The following DIS3L2 variants were observed in gnomAD, a reference collection of about 807,000 sequenced individuals.
DIS3L2 encodes DIS3-like exonuclease 2.
DIS3L2 carries 34 observed loss-of-function variants against 97.5 expected under a neutral mutation model. The ratio of observed to expected loss-of-function variants is 0.35; its 90% CI spans 0.27 to 0.46. The LOEUF (loss-of-function observed/expected upper bound fraction) is 0.46. Ranked by LOEUF, DIS3L2 falls within the 20% of genes least tolerant of loss-of-function variation. DIS3L2 has a pLI of 1.00. For synonymous variants in DIS3L2, 435 were observed against 445.2 expected, an observed-to-expected ratio of 0.98 and a Z score of 0.29; for missense variants, 1,038 against 1,146.0, an observed-to-expected ratio of 0.91 and a Z score of 1.36.
chr2:232,162,669 TC>T (rs1324900682), intron 8 of DIS3L2, among the ~76,000 whole-genome samples: 2 of 152,178 alleles, frequency 1.3e-5, no homozygotes, highest in African/African-American at 4.8e-5. Context: ...CCATTTTTGG[TC>T]TCCGCAATAC....
intron 10 of DIS3L2, among the ~76,000 whole-genome samples, chr2:232,221,846 G>C (rs1391814943): frequency 2.0e-5 from 3 of 152,086 alleles, no homozygotes; most frequent in African/African-American, 7.2e-5. Context: ...TTTTCTGCTT[G>C]GATACATTTC....
intron 5 of DIS3L2, among the ~76,000 whole-genome samples, chr2:232,059,549 G>A (rs1389625766): frequency 1.3e-5 from 2 of 152,142 alleles, no homozygotes; most frequent in Non-Finnish European, 2.9e-5. Flanking sequence ...ACTATATTGT[G>A]TGATGCTGAG....
intron 14 of DIS3L2, among the ~76,000 whole-genome samples, chr2:232,313,564 G>A (rs988301438): frequency 6.6e-6 from 1 of 152,176 alleles, no homozygotes; most frequent in Admixed American, 6.5e-5. Context: ...CCACGAGGTC[G>A]TAAAAATACC....
exon 14 of DIS3L2, chr2:232,343,440 G>A: frequency 6.4e-7 from 1 of 1,556,162 alleles, no homozygotes; most frequent in Admixed American, 1.9e-5. Flanking sequence ...AGGAACGCCT[G>A]CCTGAGACTC....
exon 14 of DIS3L2, chr2:232,343,393 C>A (rs1441226482): frequency 3.9e-6 from 6 of 1,556,606 alleles, no homozygotes; most frequent in Middle Eastern, 3.3e-4. Context: ...CTCTCACAGC[C>A]CCTCTGCTGA....
intron 5 of DIS3L2, among the ~76,000 whole-genome samples, chr2:232,057,597 C>T (rs903223726): frequency 1.3e-5 from 2 of 151,978 alleles, no homozygotes; most frequent in African/African-American, 2.4e-5. Flanking sequence ...CAAATTTTGC[C>T]GACAGCCACC....
chr2:231,975,935 CT>C (rs112624496), intron 1 of DIS3L2, among the ~76,000 whole-genome samples: 2,773 of 152,016 alleles, frequency 0.018, 30 homozygotes, highest in Non-Finnish European at 0.021. Context: ...CCTCCTTCTT[CT>C]TCTCTCTCTC....
chr2:232,019,924 G>A (rs547725071), intron 3 of DIS3L2, among the ~76,000 whole-genome samples: 1 of 152,120 alleles, frequency 6.6e-6, no homozygotes, highest in South Asian at 2.1e-4. Context: ...AGCCTCTTTA[G>A]TAGGGTCGTT....
At chr2:232,186,010 TAA>T (rs766661164) in intron 9 of DIS3L2, among the ~76,000 whole-genome samples, 1 of 152,172 alleles carries the variant, frequency 6.6e-6, no homozygotes, top group Non-Finnish European at 1.5e-5. Flanking sequence ...ACTTAATTTT[TAA>T]AAGAGACAGG....
chr2:232,309,241 C>A (rs1695061795), intron 14 of DIS3L2, among the ~76,000 whole-genome samples: 1 of 152,204 alleles, frequency 6.6e-6, no homozygotes, highest in South Asian at 2.1e-4. Flanking sequence ...GTGAGTGAGC[C>A]ACTCCCCAGA....
Position 232,024,331 on chromosome 2 carries a change from G to T in DIS3L2, c.264+1G>T. 2.5e-6 allele frequency: 4 copies of T among 1,596,224 alleles called. No individual in the cohort carries two copies. Among genetic ancestry groups the T allele is most frequent in the Non-Finnish European group, 2.6e-6 (3 of 1,170,556 alleles). ...TCATGAAGCCTTCATTCCTTCCCCG[G>T]TAAGTTCAATAAATTTATAATAAAC... is the stretch of plus-strand genomic sequence containing the variant. On this transcript the variant is annotated splice_donor_variant, in intron 4 of 20. Transcript: ENST00000325385. LOFTEE classifies it high-confidence loss of function.
chr2:232,024,207 A>T, intron 3 of DIS3L2, 70 bp from the exon 4 acceptor site: 1 of 1,156,774 alleles, frequency 8.6e-7, no homozygotes, highest in Non-Finnish European at 1.2e-6. Flanking sequence ...TTTTTATTGG[A>T]GAATAACATA....
chr2:232,190,107 T>A (rs759501710), intron 9 of DIS3L2, among the ~76,000 whole-genome samples: 58 of 152,118 alleles, frequency 3.8e-4, no homozygotes, highest in Non-Finnish European at 6.3e-4. Flanking sequence ...ACAGGAAGAT[T>A]GCTTGAATGC....
chr2:232,227,298 T>C (rs1692675994), intron 10 of DIS3L2, among the ~76,000 whole-genome samples: 1 of 152,194 alleles, frequency 6.6e-6, no homozygotes, highest in Non-Finnish European at 1.5e-5. Flanking sequence ...AAGAACCCGA[T>C]GCTGAGGGGC....
At chr2:232,315,736 G>A (rs1695254010) in intron 14 of DIS3L2, among the ~76,000 whole-genome samples, 1 of 152,218 alleles carries the variant, frequency 6.6e-6, no homozygotes, top group South Asian at 2.1e-4. Flanking sequence ...GAACACAGCT[G>A]CGAAAAGATT....
chr2:232,333,263 G>GCCTCCT (rs1278324958), intron 16 of DIS3L2, among the ~76,000 whole-genome samples: 1 of 103,916 alleles, frequency 9.6e-6, no homozygotes, highest in East Asian at 3.1e-4. Context: ...CTCCGCTGTC[G>GCCTCCT]CCTCCTCCTC....
chr2:232,003,755 G>T lies in DIS3L2; in HGVS notation c.-93-11080G>T, dbSNP rs1693970189. Among the ~76,000 whole-genome samples, 3 of 152,076 alleles carry T rather than the reference G, an allele frequency of 2.0e-5. No individual in the cohort carries two copies. The South Asian group carries it at 6.2e-4, about 31-fold the overall frequency. ...AGTTTTTTTCTTTTAGCCCTTTAAAGATAAGTTATTCCATTGTCTTTGGCT... is the reference window on the plus strand; with the variant it reads ...AGTTTTTTTCTTTTAGCCCTTTAAATATAAGTTATTCCATTGTCTTTGGCT... On this transcript the variant is annotated intron_variant, in intron 1 of 20. Transcript: ENST00000325385.
chr2:232,234,583 T>A (rs1692883512), intron 10 of DIS3L2, among the ~76,000 whole-genome samples: 1 of 152,202 alleles, frequency 6.6e-6, no homozygotes, highest in African/African-American at 2.4e-5. Flanking sequence ...AACTCCTGAC[T>A]TCAGGTGATC....
At chr2:232,264,583 T>G (rs1333532515) in intron 13 of DIS3L2, among the ~76,000 whole-genome samples, 1 of 152,216 alleles carries the variant, frequency 6.6e-6, no homozygotes, top group Non-Finnish European at 1.5e-5. Flanking sequence ...TTGCTTGTTG[T>G]GTGCTCTGGG....
Sources: gnomAD v4.1 joint callset for allele counts (sites outside exome capture counted in the v4.1 genomes callset) on GRCh38, gnomAD v4.1.1 for gene constraint, MANE v1.5 for transcripts, NCBI Gene and HGNC (gene_info 2026-07-23, HGNC 2026-07-21) for gene names.